FAF1: variants seen among roughly 807,000 people sequenced by gnomAD.
The protein encoded by FAF1 is FAS-associated factor 1.
FAF1 carries 25 observed loss-of-function variants against 92.5 expected under a neutral mutation model. That is an observed-to-expected ratio of 0.27 (90% CI 0.20 to 0.38). The LOEUF (loss-of-function observed/expected upper bound fraction) is 0.38. Ranked by LOEUF, FAF1 falls within the 10% of genes least tolerant of loss-of-function variation. FAF1 has a pLI of 1.00. For synonymous variants in FAF1, 234 were observed against 273.2 expected, an observed-to-expected ratio of 0.86 and a Z score of 1.42; for missense variants, 636 against 793.3, an observed-to-expected ratio of 0.80 and a Z score of 2.38.
At chr1:50,527,889 C>T (rs1306100331) in intron 15 of FAF1, among the ~76,000 whole-genome samples, 2 of 144,472 alleles carry the variant, frequency 1.4e-5, no homozygotes, top group East Asian at 4.1e-4. Context: ...CTCTCTCTCT[C>T]TGAGACAGGG....
At chr1:50,491,427 G>A (rs1646837870) in intron 16 of FAF1, among the ~76,000 whole-genome samples, 1 of 152,170 alleles carries the variant, frequency 6.6e-6, no homozygotes, top group Admixed American at 6.5e-5. Flanking sequence ...GACTGCACAT[G>A]AGAATCACCT....
chr1:50,943,713 A>C (rs1004620910), intron 1 of FAF1, among the ~76,000 whole-genome samples: 1 of 74,678 alleles, frequency 1.3e-5, no homozygotes, highest in Non-Finnish European at 3.0e-5. Flanking sequence ...GCATGGCCTC[A>C]TTTTAGAGAG....
intron 2 of FAF1, among the ~76,000 whole-genome samples, chr1:50,835,326 A>G (rs1418383499): frequency 3.3e-5 from 5 of 152,216 alleles, no homozygotes; most frequent in Non-Finnish European, 7.3e-5. Context: ...GTAGTGTTAT[A>G]AAAAGTTAAG....
intron 6 of FAF1, among the ~76,000 whole-genome samples, chr1:50,706,598 CA>C (rs1310365061): frequency 6.6e-6 from 1 of 151,836 alleles, no homozygotes. Flanking sequence ...TCAATTATAT[CA>C]AATTCCAAAT....
At chr1:50,664,372 CCTGCAAA>C (rs1434413565) in intron 7 of FAF1, among the ~76,000 whole-genome samples, 4 of 151,396 alleles carry the variant, frequency 2.6e-5, no homozygotes, top group Non-Finnish European at 5.9e-5. Context: ...TTGCAGTAAA[CCTGCAAA>C]CTCACAATAA....
chr1:50,544,597 T>C (rs78440468), intron 13 of FAF1, among the ~76,000 whole-genome samples: 14,091 of 152,244 alleles, frequency 0.093, 844 homozygotes, highest in African/African-American at 0.17. Flanking sequence ...CTGGACCAAG[T>C]GTCTAGTCTC....
At chr1:50,534,473 G>A (rs1429417415) in intron 15 of FAF1, among the ~76,000 whole-genome samples, 1 of 151,940 alleles carries the variant, frequency 6.6e-6, no homozygotes, top group African/African-American at 2.4e-5. Context: ...AGTAGAGATG[G>A]GGTTTCACCA....
chr1:50,951,058 C>T (rs1645210619), intron 1 of FAF1, among the ~76,000 whole-genome samples: 1 of 152,156 alleles, frequency 6.6e-6, no homozygotes, highest in Non-Finnish European at 1.5e-5. Flanking sequence ...TGGTGAAACC[C>T]CATCTCCACT....
At chr1:50,843,043 T>G (rs1047909681) in intron 2 of FAF1, among the ~76,000 whole-genome samples, 2 of 152,202 alleles carry the variant, frequency 1.3e-5, no homozygotes, top group African/African-American at 4.8e-5. Context: ...TAAATTCATT[T>G]TGGAATTATT....
At chr1:50,837,194 G>T (rs1478635156) in intron 2 of FAF1, among the ~76,000 whole-genome samples, 1 of 152,006 alleles carries the variant, frequency 6.6e-6, no homozygotes, top group Non-Finnish European at 1.5e-5. Flanking sequence ...CTGACCTCGT[G>T]ATCTGCCCAT....
At chr1:50,833,038 C>T (rs1644168780) in intron 2 of FAF1, among the ~76,000 whole-genome samples, 1 of 152,062 alleles carries the variant, frequency 6.6e-6, no homozygotes, top group East Asian at 1.9e-4. Context: ...TTACACCAAC[C>T]AATTCTGACA....
intron 7 of FAF1, among the ~76,000 whole-genome samples, chr1:50,701,960 TGCTTCTTGTTGTAACAGATAA>T (rs1657492226): frequency 6.6e-6 from 1 of 152,128 alleles, no homozygotes; most frequent in South Asian, 2.1e-4. Flanking sequence ...CTATTCATCA[TGCTTCTTGTTGTAACAGATAA>T]GTAATACTCC....
At chr1:50,450,319 A>G (rs1557949608) in intron 18 of FAF1, among the ~76,000 whole-genome samples, 1 of 152,110 alleles carries the variant, frequency 6.6e-6, no homozygotes, top group Non-Finnish European at 1.5e-5. Context: ...TATTATTTCA[A>G]TTTTACAGAT....
At chr1:50,945,621 A>C (rs1179766012) in intron 1 of FAF1, among the ~76,000 whole-genome samples, 4 of 152,236 alleles carry the variant, frequency 2.6e-5, no homozygotes, top group African/African-American at 9.6e-5. Flanking sequence ...ATCAGAAGAC[A>C]GGCCCTTACT....
intron 15 of FAF1, among the ~76,000 whole-genome samples, chr1:50,530,528 G>C (rs1648096350): frequency 6.6e-6 from 1 of 151,428 alleles, no homozygotes; most frequent in Non-Finnish European, 1.5e-5. Flanking sequence ...ATGTTTAATG[G>C]GTACAAAAAG....
intron 13 of FAF1, among the ~76,000 whole-genome samples, chr1:50,559,417 A>C (rs578222777): frequency 6.6e-6 from 1 of 152,144 alleles, no homozygotes; most frequent in Non-Finnish European, 1.5e-5. Flanking sequence ...ACTATTCACA[A>C]GTGTACCCTT....
intron 8 of FAF1, among the ~76,000 whole-genome samples, chr1:50,605,780 CTT>C (rs983938793): frequency 3.0e-4 from 45 of 152,192 alleles, no homozygotes; most frequent in African/African-American, 1.0e-3. Flanking sequence ...GCAGATTTCT[CTT>C]GACTCTGCTT....
intron 1 of FAF1, among the ~76,000 whole-genome samples, chr1:50,947,008 T>C (rs1437705696): frequency 6.6e-6 from 1 of 152,336 alleles, no homozygotes; most frequent in African/African-American, 2.4e-5. Context: ...AAATCATTCA[T>C]GGAGAACCAT....
chr1:50,568,429 T>C (rs1650270250), intron 12 of FAF1, among the ~76,000 whole-genome samples: 1 of 152,162 alleles, frequency 6.6e-6, no homozygotes, highest in Non-Finnish European at 1.5e-5. Flanking sequence ...AGGAATTATC[T>C]AGATAAAGAA....
Sources: gnomAD v4.1 joint callset for allele counts (sites outside exome capture counted in the v4.1 genomes callset) on GRCh38, gnomAD v4.1.1 for gene constraint, MANE v1.5 for transcripts, NCBI Gene and HGNC (gene_info 2026-07-23, HGNC 2026-07-21) for gene names.